Variants in PTPN4 observed in about 807,000 individuals in gnomAD.
PTPN4 encodes the protein protein tyrosine phosphatase non-receptor type 4, also known as tyrosine-protein phosphatase non-receptor type 4.
A neutral mutation model predicts 135.5 loss-of-function variants in PTPN4; 49 were observed. The observed-to-expected ratio is 0.36, with a 90% CI of 0.29 to 0.46. The LOEUF is 0.46. Among genes scored for constraint, PTPN4 ranks in the 20% least tolerant of loss-of-function variants. PTPN4 has a pLI of 1.00. For synonymous variants in PTPN4, 333 were observed against 369.9 expected, an observed-to-expected ratio of 0.90 and a Z score of 1.14; for missense variants, 860 against 1,101.0, an observed-to-expected ratio of 0.78 and a Z score of 3.10.
chr2:119,818,931 A>G (rs1677026976), intron 2 of PTPN4, among the ~76,000 whole-genome samples: 36 of 152,156 alleles, frequency 2.4e-4, no homozygotes, highest in Admixed American at 2.4e-3. Flanking sequence ...AACCTCTGAA[A>G]TCTCTGTTTA....
At chr2:119,840,561 A>G (rs1677365179) in intron 2 of PTPN4, among the ~76,000 whole-genome samples, 1 of 152,168 alleles carries the variant, frequency 6.6e-6, no homozygotes, top group South Asian at 2.1e-4. Context: ...GCATCCATGT[A>G]TCTCTACAAT....
chr2:119,886,922 G>C (rs1678168226), intron 9 of PTPN4, among the ~76,000 whole-genome samples: 2 of 151,226 alleles, frequency 1.3e-5, no homozygotes, highest in Admixed American at 6.6e-5. Flanking sequence ...AGTGTTACTT[G>C]GAAATCTTTT....
At chr2:119,967,693 T>C (rs1209935780) in intron 25 of PTPN4, 144 bp from the exon 26 acceptor site, 2 of 616,432 alleles carry the variant, frequency 3.2e-6, no homozygotes, top group Non-Finnish European at 4.9e-6. Flanking sequence ...TTCAAAATAT[T>C]CTGTATTTGG....
intron 9 of PTPN4, among the ~76,000 whole-genome samples, chr2:119,889,765 A>G (rs956207775): frequency 2.6e-5 from 4 of 152,158 alleles, no homozygotes; most frequent in Admixed American, 6.5e-5. Context: ...TGCTGTAAAC[A>G]TTCCTCTTAT....
intron 1 of PTPN4, among the ~76,000 whole-genome samples, chr2:119,782,387 C>G (rs944575822): frequency 5.9e-5 from 9 of 152,048 alleles, no homozygotes; most frequent in African/African-American, 1.9e-4. Context: ...CCACTGCACT[C>G]TAGCCTGGGC....
intron 19 of PTPN4, 75 bp downstream of exon 19, chr2:119,952,204 T>C (rs1558773167): frequency 7.3e-7 from 1 of 1,369,470 alleles, no homozygotes. Flanking sequence ...CAGCCAGATT[T>C]CTGACATAAA....
intron 14 of PTPN4, among the ~76,000 whole-genome samples, chr2:119,933,130 G>T (rs1238229424): frequency 2.0e-5 from 3 of 152,042 alleles, no homozygotes; most frequent in African/African-American, 7.2e-5. Context: ...GTATGTTTTG[G>T]TATAAATGAT....
At chr2:119,887,665 T>C (rs1224969603) in intron 9 of PTPN4, among the ~76,000 whole-genome samples, 1 of 152,198 alleles carries the variant, frequency 6.6e-6, no homozygotes, top group African/African-American at 2.4e-5. Flanking sequence ...CTTGTTGACT[T>C]TGTTGAAGAT....
chr2:119,933,889 T>C (rs572724983), intron 14 of PTPN4, among the ~76,000 whole-genome samples: 155 of 152,302 alleles, frequency 1.0e-3, no homozygotes, highest in Non-Finnish European at 1.9e-3. Flanking sequence ...TTACATATAT[T>C]CAAAGCCTCA....
At chr2:119,916,473 T>A (rs1315280156) in intron 11 of PTPN4, 1 of 152,204 alleles carries the variant, frequency 6.6e-6, no homozygotes, top group African/African-American at 2.4e-5. Flanking sequence ...ACAGAGGGAT[T>A]TTTTTCAAGA....
Position 119,926,581 on chromosome 2 carries a change from A to T in PTPN4, c.1002-17A>T, listed in dbSNP as rs752151344. On this transcript the variant is annotated splice_polypyrimidine_tract_variant and intron_variant, in intron 12 of 26. Coordinates refer to ENST00000263708, the MANE Select transcript of PTPN4 (RefSeq NM_002830.4). ...TTCTCTTAAGACTTTATTGTTGTGC[A>T]TATTTATATATTTCAGTGGGAGAAC... is the stretch of plus-strand genomic sequence containing the variant. 1 of 1,538,764 alleles carries T rather than the reference A, an allele frequency of 6.5e-7. No homozygotes were observed. The highest frequency in any genetic ancestry group is 1.8e-5 in the Admixed American group (1 of 54,552).
chr2:119,900,254 G>A (rs1235057279), intron 9 of PTPN4, among the ~76,000 whole-genome samples: 7 of 151,936 alleles, frequency 4.6e-5, no homozygotes, highest in African/African-American at 7.2e-5. Context: ...GTTATAGGAC[G>A]TCTCATTATG....
rs1018251036 is a variant in PTPN4 at position 119,981,830 on chromosome 2, A to T, written c.*4760A>T. On this transcript the variant is annotated 3_prime_UTR_variant, in exon 27 of 27. Coordinates refer to ENST00000263708, the MANE Select transcript of PTPN4 (RefSeq NM_002830.4). ...GATGAATTTGTTGTGAGTAGACACC[A>T]CATAGTTATTTCTGTTTGCATATAA... is the stretch of plus-strand genomic sequence containing the variant. 5 of 152,154 alleles carry T rather than the reference A, an allele frequency of 3.3e-5. No individual in the cohort carries two copies. Among genetic ancestry groups the T allele is most frequent in the African/African-American group, 4.8e-5 (2 of 41,454 alleles). 9.4% of individuals were successfully genotyped at this position (152,154 alleles called of 1,614,324 possible).
chr2:119,864,489 CTGACCCTCATAAG>C (rs1677804189), intron 3 of PTPN4, among the ~76,000 whole-genome samples: 1 of 152,066 alleles, frequency 6.6e-6, no homozygotes. Flanking sequence ...TTAGCTCTTG[CTGACCCTCATAAG>C]TCAGGCCCTG....
At chr2:119,804,552 A>G (rs1045029232) in intron 1 of PTPN4, among the ~76,000 whole-genome samples, 9 of 152,050 alleles carry the variant, frequency 5.9e-5, no homozygotes, top group African/African-American at 2.2e-4. Context: ...TCCTTGCGAT[A>G]GTTTGCTCAG....
chr2:119,792,197 A>C (rs1404918945), intron 1 of PTPN4, among the ~76,000 whole-genome samples: 3 of 152,242 alleles, frequency 2.0e-5, no homozygotes, highest in Non-Finnish European at 4.4e-5. Flanking sequence ...TGAAAACATT[A>C]TAAAGTGCTT....
At chr2:119,771,005 G>T (rs1028255763) in intron 1 of PTPN4, among the ~76,000 whole-genome samples, 4 of 151,562 alleles carry the variant, frequency 2.6e-5, no homozygotes, top group Non-Finnish European at 5.9e-5. Context: ...TCAGCCTCCC[G>T]AGTGGCTGGG....
chr2:119,923,955 G>A (rs1004013615), intron 12 of PTPN4, among the ~76,000 whole-genome samples: 1 of 152,002 alleles, frequency 6.6e-6, no homozygotes, highest in African/African-American at 2.4e-5. Context: ...GGCTAATGCG[G>A]TGAAACCCTG....
At chr2:119,928,573 A>G in intron 13 of PTPN4, among the ~76,000 whole-genome samples, 1 of 152,176 alleles carries the variant, frequency 6.6e-6, no homozygotes, top group East Asian at 1.9e-4. Flanking sequence ...CTTCTAATCA[A>G]AAAATCCTAT....
Sources: allele counts gnomAD v4.1 joint callset (sites outside exome capture counted in the v4.1 genomes callset), GRCh38; gene constraint gnomAD v4.1.1; transcripts MANE v1.5; gene names NCBI Gene and HGNC (gene_info 2026-07-23, HGNC 2026-07-21).